XNDC1N: variants seen among roughly 807,000 people sequenced by gnomAD.
XNDC1N encodes protein XNDC1N.
At chr11:71,906,766 A>G in the XNDC1N span, among the ~76,000 whole-genome samples, 3 of 152,318 alleles carry the variant, frequency 2.0e-5, no homozygotes, top group African/African-American at 7.2e-5. Flanking sequence ...GTGTGACGTT[A>G]GGAGTCACAT....
the XNDC1N span, among the ~76,000 whole-genome samples, chr11:71,922,532 G>C: frequency 1.3e-5 from 2 of 152,058 alleles, no homozygotes; most frequent in African/African-American, 4.8e-5. Context: ...TGAACTCCTG[G>C]GCTCAAGAGA....
At chr11:71,885,933 TATTG>T in the XNDC1N span, among the ~76,000 whole-genome samples, 5,650 of 152,038 alleles carry the variant, frequency 0.037, 356 homozygotes, top group African/African-American at 0.13. Context: ...TTATTATCGG[TATTG>T]ATTTTTAAAA....
chr11:71,888,111 C>T, the XNDC1N span, among the ~76,000 whole-genome samples: 180 of 152,258 alleles, frequency 1.2e-3, no homozygotes, highest in Non-Finnish European at 2.1e-3. Context: ...GGACACCCCA[C>T]GGCAGTTGGG....
At chr11:71,873,187 G>T in the XNDC1N span, among the ~76,000 whole-genome samples, 24 of 151,328 alleles carry the variant, frequency 1.6e-4, no homozygotes, top group East Asian at 3.5e-3. Flanking sequence ...TATTTATTTC[G>T]ATTCTTCAGT....
chr11:71,876,809 A>G, the XNDC1N span, among the ~76,000 whole-genome samples: 30 of 152,360 alleles, frequency 2.0e-4, no homozygotes, highest in African/African-American at 6.7e-4. Context: ...CAGAGAGGTG[A>G]GAAAAAGCAG....
chr11:71,876,578 C>T, the XNDC1N span, among the ~76,000 whole-genome samples: 7 of 152,046 alleles, frequency 4.6e-5, no homozygotes, highest in Admixed American at 6.5e-5. Context: ...AACATAATTG[C>T]GATTTTTGCC....
chr11:71,886,368 G>A, the XNDC1N span, among the ~76,000 whole-genome samples: 1 of 152,114 alleles, frequency 6.6e-6, no homozygotes, highest in Non-Finnish European at 1.5e-5. Flanking sequence ...ACATGCACCA[G>A]CTGATTATCA....
chr11:71,917,148 G>A, the XNDC1N span: 11 of 375,632 alleles, frequency 2.9e-5, no homozygotes, highest in Non-Finnish European at 4.4e-5. Context: ...CCAGTAGCTG[G>A]GATTAAAGGC....
chr11:71,893,664 C>A, the XNDC1N span: 5 of 1,272,538 alleles, frequency 3.9e-6, no homozygotes, highest in South Asian at 1.2e-5. Context: ...TCCTCTCCAA[C>A]CTGTGCTGGG....
chr11:71,877,515 G>A, the XNDC1N span, among the ~76,000 whole-genome samples: 22 of 152,202 alleles, frequency 1.4e-4, no homozygotes, highest in African/African-American at 5.1e-4. Context: ...ACGTGTGCCT[G>A]TAATCCCAGC....
the XNDC1N span, among the ~76,000 whole-genome samples, chr11:71,915,872 G>T: frequency 9.9e-5 from 15 of 152,256 alleles, no homozygotes; most frequent in African/African-American, 3.4e-4. Context: ...TCACTCACTT[G>T]CATATTCCAC....
At chr11:71,880,586 G>A in the XNDC1N span, among the ~76,000 whole-genome samples, 1 of 151,582 alleles carries the variant, frequency 6.6e-6, no homozygotes, top group African/African-American at 2.4e-5. Flanking sequence ...TGTTTTTCTT[G>A]TTCCTTGAGG....
the XNDC1N span, among the ~76,000 whole-genome samples, chr11:71,879,764 C>A: frequency 5.9e-5 from 9 of 152,070 alleles, no homozygotes; most frequent in Non-Finnish European, 2.9e-5. Flanking sequence ...CCTCCCAGTC[C>A]CTAGCAACCA....
At chr11:71,922,286 G>C in the XNDC1N span, among the ~76,000 whole-genome samples, 2 of 151,860 alleles carry the variant, frequency 1.3e-5, no homozygotes, top group Non-Finnish European at 2.9e-5. Context: ...GATCCTCTAA[G>C]GGTTTTTTTG....
At chr11:71,917,006 ATTG>A in the XNDC1N span, 3 of 176,644 alleles carry the variant, frequency 1.7e-5, no homozygotes, top group South Asian at 1.4e-4. Flanking sequence ...AAAACATATT[ATTG>A]TTATTATTAT....
At chr11:71,885,727 G>T in the XNDC1N span, among the ~76,000 whole-genome samples, 2 of 150,920 alleles carry the variant, frequency 1.3e-5, no homozygotes, top group African/African-American at 4.9e-5. Flanking sequence ...ATGAATGACC[G>T]ATATTAATAT....
the XNDC1N span, among the ~76,000 whole-genome samples, chr11:71,906,601 T>C: frequency 1.3e-3 from 203 of 152,260 alleles, 3 homozygotes; most frequent in Admixed American, 0.012. Flanking sequence ...CGCTGGGATA[T>C]TACGAATTTT....
the XNDC1N span, chr11:71,865,563 G>A: frequency 7.7e-4 from 121 of 157,764 alleles, no homozygotes; most frequent in Non-Finnish European, 1.4e-3. Flanking sequence ...TATTAAGAAA[G>A]CAAAGGAATA....
the XNDC1N span, among the ~76,000 whole-genome samples, chr11:71,905,554 A>G: frequency 3.3e-5 from 5 of 152,040 alleles, no homozygotes; most frequent in Non-Finnish European, 7.4e-5. Context: ...TCTTTCTAGG[A>G]GATTACGAAT....
Sources: gnomAD v4.1 joint callset for allele counts (sites outside exome capture counted in the v4.1 genomes callset) on GRCh38, gnomAD v4.1.1 for gene constraint, MANE v1.5 for transcripts, NCBI Gene and HGNC (gene_info 2026-07-23, HGNC 2026-07-21) for gene names.